IMMP1L: variants seen among roughly 807,000 people sequenced by gnomAD.
IMMP1L encodes mitochondrial inner membrane protease subunit 1.
IMMP1L carries 24 observed loss-of-function variants against 21.8 expected under a neutral mutation model. The ratio of observed to expected loss-of-function variants is 1.10; its 90% CI spans 0.80 to 1.55. The LOEUF (loss-of-function observed/expected upper bound fraction) is 1.55, where lower values mean the gene tolerates loss of function less well. IMMP1L is among the 40% of genes most tolerant of loss of function. The pLI is 0.00. For synonymous variants in IMMP1L, 46 were observed against 62.8 expected (o/e 0.73, Z 1.26); for missense variants, 195 against 200.7 (o/e 0.97, Z 0.17).
In IMMP1L at chr11:31,500,163, CT is replaced by C. The variant is rs555048431; in HGVS notation, c.-30+9355del. ...CCAACCCACAAGAAAATTGGTCAGT[CT>C]TTTTTTTTCCATTTAGGCTAAAGAT... On this transcript the variant is annotated intron_variant, in intron 1 of 5. Coordinates refer to ENST00000532287, the MANE Select transcript of IMMP1L (RefSeq NM_001304274.2). Among the ~76,000 whole-genome samples the C allele has an allele frequency of 3.7e-3, 553 of 150,646 alleles. 2 individuals carry two copies. The highest frequency in any genetic ancestry group is 0.012 in the African/African-American group (505 of 41,150).
chr11:31,497,609 G>A (rs1214646206), intron 1 of IMMP1L, among the ~76,000 whole-genome samples: 1 of 151,944 alleles, frequency 6.6e-6, no homozygotes, highest in Non-Finnish European at 1.5e-5. Flanking sequence ...CTAGAGGCAC[G>A]CGCTACCACG....
At chr11:31,501,611 C>G (rs2133827931) in intron 1 of IMMP1L, among the ~76,000 whole-genome samples, 1 of 152,106 alleles carries the variant, frequency 6.6e-6, no homozygotes. Context: ...CACTCAGAAG[C>G]AGGAAGAAGA....
At chr11:31,496,615 A>ATG (rs199866368) in intron 1 of IMMP1L, among the ~76,000 whole-genome samples, 7,293 of 149,040 alleles carry the variant, frequency 0.049, 459 homozygotes, top group African/African-American at 0.15. Flanking sequence ...ACTGTGATAT[A>ATG]TGTGTGTGTG....
chr11:31,476,846 C>T (rs1200072521), intron 1 of IMMP1L, among the ~76,000 whole-genome samples: 2 of 151,994 alleles, frequency 1.3e-5, no homozygotes, highest in East Asian at 1.9e-4. Context: ...ATAATTAACA[C>T]CTCCAGCCAA....
At chr11:31,456,965 A>AAAAAG (rs1953967191) in intron 3 of IMMP1L, among the ~76,000 whole-genome samples, 1 of 151,056 alleles carries the variant, frequency 6.6e-6, no homozygotes, top group African/African-American at 2.4e-5. Context: ...AGAAAAAAAA[A>AAAAAG]CCCTCCACAC....
intron 1 of IMMP1L, among the ~76,000 whole-genome samples, chr11:31,474,509 A>G (rs997003452): frequency 6.6e-6 from 1 of 152,146 alleles, no homozygotes; most frequent in African/African-American, 2.4e-5. Context: ...CCCATAATCT[A>G]TGAAGATTTT....
intron 3 of IMMP1L, among the ~76,000 whole-genome samples, chr11:31,457,553 AT>A (rs1467251387): frequency 5.3e-5 from 8 of 152,206 alleles, no homozygotes; most frequent in African/African-American, 1.9e-4. Flanking sequence ...TAAAAGGAAA[AT>A]TATGAAGAAA....
intron 1 of IMMP1L, among the ~76,000 whole-genome samples, chr11:31,468,878 C>T (rs967024091): frequency 5.3e-5 from 8 of 151,996 alleles, no homozygotes; most frequent in African/African-American, 1.9e-4. Context: ...TTCTGAAGAA[C>T]GCCCAAACTG....
At chr11:31,452,846 G>T in intron 4 of IMMP1L, 1 of 715,318 alleles carries the variant, frequency 1.4e-6, no homozygotes, top group Non-Finnish European at 1.8e-6. Context: ...CACCTCCCAG[G>T]TTGAAGCGAT....
intron 1 of IMMP1L, among the ~76,000 whole-genome samples, chr11:31,500,509 G>C (rs940152732): frequency 2.0e-5 from 3 of 151,860 alleles, no homozygotes; most frequent in African/African-American, 7.3e-5. Flanking sequence ...AAAAGTTGAA[G>C]AGGAACAATC....
rs780993431 is a variant in IMMP1L, at chr11:31,475,992, C to T, written c.-29-12687G>A. Reference sequence around the variant, plus strand: ...TTCCAGACAAATTCTGTTTTGAATGCAAAACTACTTTTAAAAATAAATATA... The same window carrying T: ...TTCCAGACAAATTCTGTTTTGAATGTAAAACTACTTTTAAAAATAAATATA... On this transcript the variant is annotated intron_variant, in intron 1 of 5. Transcript: ENST00000532287. Among the ~76,000 whole-genome samples the T allele has an allele frequency of 5.9e-4, 90 of 152,116 alleles. 1 individual carries two copies. The highest frequency in any genetic ancestry group is 8.1e-4 in the Non-Finnish European group (55 of 67,986).
At chr11:31,476,879 T>A (rs945548699) in intron 1 of IMMP1L, among the ~76,000 whole-genome samples, 1 of 152,142 alleles carries the variant, frequency 6.6e-6, no homozygotes, top group African/African-American at 2.4e-5. Context: ...AGTTTTTAGT[T>A]GAAATAAAAG....
At chr11:31,458,790 C>T (rs1308082971) in intron 3 of IMMP1L, among the ~76,000 whole-genome samples, 1 of 152,068 alleles carries the variant, frequency 6.6e-6, no homozygotes, top group African/African-American at 2.4e-5. Context: ...GAATAGGGTA[C>T]AAAATAAGAT....
chr11:31,453,034 G>T, intron 4 of IMMP1L: 1 of 1,281,934 alleles, frequency 7.8e-7, no homozygotes, highest in South Asian at 1.2e-5. Context: ...TTACAGGCGT[G>T]AGCCACCGCG....
intron 4 of IMMP1L, among the ~76,000 whole-genome samples, chr11:31,445,666 T>C (rs1215280954): frequency 2.0e-5 from 3 of 152,174 alleles, no homozygotes; most frequent in Non-Finnish European, 4.4e-5. Context: ...GCAGATTATT[T>C]AGAATAAAAT....
At chr11:31,480,124 A>T (rs1954846897) in intron 1 of IMMP1L, among the ~76,000 whole-genome samples, 1 of 152,082 alleles carries the variant, frequency 6.6e-6, no homozygotes, top group Admixed American at 6.6e-5. Flanking sequence ...CATTGAGCTC[A>T]AAAGATAGCA....
intron 1 of IMMP1L, among the ~76,000 whole-genome samples, chr11:31,486,403 CAG>C (rs916217312): frequency 7.2e-5 from 11 of 151,792 alleles, no homozygotes; most frequent in African/African-American, 2.7e-4. Context: ...CAAAGTGAAA[CAG>C]AGTTACTGCA....
chr11:31,443,618 T>C (rs958684072), intron 4 of IMMP1L, among the ~76,000 whole-genome samples: 4 of 152,200 alleles, frequency 2.6e-5, no homozygotes, highest in South Asian at 2.1e-4. Flanking sequence ...AGATGCATAA[T>C]AAAGGGATTG....
At chr11:31,490,846 A>C (rs181899026) in intron 1 of IMMP1L, among the ~76,000 whole-genome samples, 75 of 152,310 alleles carry the variant, frequency 4.9e-4, no homozygotes, top group Non-Finnish European at 8.8e-4. Context: ...TAGATTACAA[A>C]GGGTCCTAAA....
Sources: allele counts gnomAD v4.1 joint callset (sites outside exome capture counted in the v4.1 genomes callset), GRCh38; gene constraint gnomAD v4.1.1; transcripts MANE v1.5; gene names NCBI Gene and HGNC (gene_info 2026-07-23, HGNC 2026-07-21).